Variants in CMYA5 observed in about 807,000 individuals in gnomAD.
CMYA5 encodes the protein cardiomyopathy-associated protein 5.
A neutral mutation model predicts 318.9 loss-of-function variants in CMYA5; 246 were observed. The ratio of observed to expected loss-of-function variants is 0.77; its 90% CI spans 0.70 to 0.86. The LOEUF (loss-of-function observed/expected upper bound fraction) is 0.86. Among genes scored for constraint, CMYA5 ranks in the 40% least tolerant of loss-of-function variants. The pLI, the probability that CMYA5 is intolerant of heterozygous loss-of-function variation, is 0.00. For synonymous variants in CMYA5, 1,641 were observed against 1,729.5 expected (o/e 0.95, Z 1.27); for missense variants, 4,589 against 4,678.2 (o/e 0.98, Z 0.56).
rs764177750 is a variant in CMYA5 at position 79,733,368 on chromosome 5, G to A, written c.4603G>A (p.Gly1535Ser). 1.6e-4 allele frequency: 262 copies of A among 1,613,316 alleles called. 2 individuals are homozygous for A. In the Admixed American group the frequency reaches 4.3e-3, roughly 27 times the overall value. Residue 1535 changes from glycine (G) to serine (S), a missense_variant, in exon 2 of 13, where the codon GGT becomes AGT. This residue lies in a region of CMYA5 where 2,132 missense variants were observed against 2,131.3 expected (regional missense o/e 1.00). Transcript: ENST00000446378. ...PEHELPLSLW[G>S]EIKKKETELP... ...ACATGAGCTTCCACTCAGCCTATGG[G>A]GTGAGATAAAGAAGAAAGAAACTGA... is the stretch of plus-strand genomic sequence containing the variant.
intron 12 of CMYA5, among the ~76,000 whole-genome samples, chr5:79,794,666 A>G (rs1225635485): frequency 1.3e-5 from 2 of 152,224 alleles, no homozygotes; most frequent in African/African-American, 4.8e-5. Flanking sequence ...TAGGAACGGT[A>G]AAGTATCATA....
At chr5:79,762,781 T>C (rs763431534) in intron 8 of CMYA5, 5 of 342,660 alleles carry the variant, frequency 1.5e-5, no homozygotes, top group Non-Finnish European at 2.7e-5. Context: ...TTTATTTTGA[T>C]TTGCTTGTAT....
chr5:79,792,955 T>C (rs1299649007), intron 11 of CMYA5, among the ~76,000 whole-genome samples: 3 of 152,248 alleles, frequency 2.0e-5, no homozygotes, highest in Non-Finnish European at 4.4e-5. Context: ...ATTTAAGAGC[T>C]GCACCTCATT....
intron 1 of CMYA5, among the ~76,000 whole-genome samples, chr5:79,714,435 T>C (rs971034476): frequency 7.2e-6 from 1 of 138,108 alleles, no homozygotes; most frequent in Non-Finnish European, 1.6e-5. Flanking sequence ...CTTTTTCTTT[T>C]TTTTTTTTTT....
chr5:79,709,636 G>T (rs1827344438), intron 1 of CMYA5, among the ~76,000 whole-genome samples: 1 of 150,208 alleles, frequency 6.7e-6, no homozygotes, highest in Non-Finnish European at 1.5e-5. Flanking sequence ...TTAAAAAAAC[G>T]ACTACTTTTT....
chr5:79,735,991 C>A lies in CMYA5; in HGVS notation c.7226C>A (p.Ser2409Ter). 6.2e-7 allele frequency: 1 copy of A among 1,613,140 alleles called. No individual in the cohort carries two copies. The highest frequency in any genetic ancestry group is 1.1e-5 in the South Asian group (1 of 90,790). The change falls in exon 2 of 13, where the codon TCA becomes TAA. Residue 2409 changes from serine to a stop codon, truncating the protein, a stop_gained. Transcript: ENST00000446378. LOFTEE classifies it high-confidence loss of function. ...ACAAAGGAATCAGAGAAACCAGAGT[C>A]AATTATTTTGCCAGTAGAAGAATCA... ...NITKESEKPE[S>*]IILPVEESKG...
At chr5:79,715,796 C>T (rs7727652) in intron 1 of CMYA5, among the ~76,000 whole-genome samples, 2,795 of 152,244 alleles carry the variant, frequency 0.018, 92 homozygotes, top group African/African-American at 0.064. Flanking sequence ...AAATTGTCAA[C>T]CCTATTTTTC....
intron 9 of CMYA5, among the ~76,000 whole-genome samples, chr5:79,775,215 G>A (rs1282512438): frequency 6.6e-6 from 1 of 152,108 alleles, no homozygotes; most frequent in African/African-American, 2.4e-5. Context: ...TTCGCGTTTG[G>A]CTATTCCTAA....
In CMYA5 at chr5:79,733,079, A is replaced by G; in HGVS notation, c.4314A>G (p.Glu1438=). ...ETSSKHLAWS[E]AEKEIKFDSL... ...CATCCAAACATTTAGCTTGGTCAGAAGCAGAGAAGGAAATTAAATTTGATT... is the reference window on the plus strand; with the variant it reads ...CATCCAAACATTTAGCTTGGTCAGAGGCAGAGAAGGAAATTAAATTTGATT... Residue 1438 remains glutamate (E), a synonymous_variant, in exon 2 of 13, where the codon GAA becomes GAG. Coordinates refer to ENST00000446378, the MANE Select transcript of CMYA5 (RefSeq NM_153610.5). The G allele has an allele frequency of 6.2e-7, 1 of 1,613,624 alleles. No individual in the cohort carries two copies. Among genetic ancestry groups the G allele is most frequent in the Non-Finnish European group, 8.5e-7 (1 of 1,179,736 alleles).
chr5:79,709,960 C>CAAAAAAAAAAAAAAAAAAA (rs61657639), intron 1 of CMYA5, among the ~76,000 whole-genome samples: 16 of 24,322 alleles, frequency 6.6e-4, no homozygotes, highest in East Asian at 1.9e-3. Flanking sequence ...GACTCCATCT[C>CAAAAAAAAAAAAAAAAAAA]AAAAAAAAAA....
chr5:79,701,090 CAAA>C (rs1554097982), intron 1 of CMYA5, among the ~76,000 whole-genome samples: 19 of 114,924 alleles, frequency 1.7e-4, no homozygotes, highest in South Asian at 2.8e-4. Flanking sequence ...ACTAAAAATA[CAAA>C]AAAAAAAAAA....
rs1329205559 is a variant in CMYA5 at position 79,735,837 on chromosome 5, A to T, written c.7072A>T (p.Asn2358Tyr). The change falls in exon 2 of 13, where the codon AAT becomes TAT. Residue 2358 changes from asparagine (N) to tyrosine (Y), a missense_variant. This residue lies in a region of CMYA5 where 2,431 missense variants were observed against 2,495.1 expected (regional missense o/e 0.97). Coordinates refer to ENST00000446378, the MANE Select transcript of CMYA5 (RefSeq NM_153610.5). ...AGCAATCGCTCCTCCATCTAAATGG[A>T]ATATTTCTATTTTTAAGGAAGAGCC... is the stretch of plus-strand genomic sequence containing the variant. ...KPAIAPPSKW[N>Y]ISIFKEEPRS... is the part of the protein sequence containing the mutation. 6.4e-7 allele frequency: 1 copy of T among 1,555,134 alleles called. No homozygotes were observed. Among genetic ancestry groups the T allele is most frequent in the Non-Finnish European group, 8.6e-7 (1 of 1,159,176 alleles).
chr5:79,695,325 A>G (rs1438169305), intron 1 of CMYA5, among the ~76,000 whole-genome samples: 1 of 152,232 alleles, frequency 6.6e-6, no homozygotes, highest in African/African-American at 2.4e-5. Context: ...ACATTTTAAA[A>G]AGCAGAAAGA....
chr5:79,750,455 A>G (rs1828409002), intron 5 of CMYA5, among the ~76,000 whole-genome samples: 1 of 152,186 alleles, frequency 6.6e-6, no homozygotes, highest in Admixed American at 6.5e-5. Context: ...TGGGGAGTCA[A>G]ACAGTACACA....
chr5:79,764,602 CCCA>C (rs1196333045), intron 9 of CMYA5, among the ~76,000 whole-genome samples: 1 of 152,166 alleles, frequency 6.6e-6, no homozygotes, highest in Non-Finnish European at 1.5e-5. Context: ...AATTTACACT[CCCA>C]CCAACAGTGT....
chr5:79,785,667 A>G (rs980082210), intron 9 of CMYA5, among the ~76,000 whole-genome samples: 2 of 152,034 alleles, frequency 1.3e-5, no homozygotes, highest in African/African-American at 4.8e-5. Context: ...GAGTTTTTCA[A>G]CTGATTTTCT....
At chr5:79,785,620 A>T (rs1375324117) in intron 9 of CMYA5, among the ~76,000 whole-genome samples, 6 of 151,980 alleles carry the variant, frequency 3.9e-5, no homozygotes, top group Non-Finnish European at 8.8e-5. Flanking sequence ...TATCAGTTTT[A>T]TATCTAGCCA....
chr5:79,758,278 T>C (rs1157787297), intron 6 of CMYA5, among the ~76,000 whole-genome samples: 3 of 150,808 alleles, frequency 2.0e-5, no homozygotes, highest in Non-Finnish European at 4.4e-5. Context: ...ATGCCTGTGA[T>C]CCCAACACTT....
In CMYA5 at chr5:79,745,251, A is replaced by G. The variant is rs761698292; in HGVS notation, c.10764A>G (p.Leu3588=). 5 of 1,597,722 alleles carry G rather than the reference A, an allele frequency of 3.1e-6. No homozygotes were observed. Among genetic ancestry groups the G allele is most frequent in the Middle Eastern group, 1.7e-4 (1 of 6,040 alleles). Residue 3588 remains leucine (L), a synonymous_variant, in exon 4 of 13, where the codon CTA becomes CTG. Transcript: ENST00000446378. ...ACTGTAGTAAAAATGAGAAAAGGCT[A>G]GAAGAACAGAATGAGGAAATGATGA... ...EENCSKNEKR[L]EEQNEEMMKK...
Sources: gnomAD v4.1 joint callset for allele counts (sites outside exome capture counted in the v4.1 genomes callset) on GRCh38, gnomAD v4.1.1 for gene constraint, gnomAD v4.1.1 regional missense constraint, MANE v1.5 for transcripts, NCBI Gene and HGNC (gene_info 2026-07-23, HGNC 2026-07-21) for gene names.